ATP2B2: variants seen among roughly 807,000 people sequenced by gnomAD.
ATP2B2 encodes plasma membrane calcium-transporting ATPase 2.
Under a neutral mutation model 120.0 loss-of-function variants are expected in ATP2B2, and 15 were observed. The ratio of observed to expected loss-of-function variants is 0.12; its 90% CI spans 0.08 to 0.19. ATP2B2 has a LOEUF of 0.19. Ranked by LOEUF, ATP2B2 falls within the 10% of genes least tolerant of loss-of-function variation. ATP2B2 has a pLI of 1.00. For synonymous variants in ATP2B2, 694 were observed against 700.3 expected, an observed-to-expected ratio of 0.99 and a Z score of 0.14; for missense variants, 1,045 against 1,719.8, an observed-to-expected ratio of 0.61 and a Z score of 6.94.
At chr3:10,527,727 C>T (rs2067126512) in intron 3 of ATP2B2, among the ~76,000 whole-genome samples, 3 of 152,208 alleles carry the variant, frequency 2.0e-5, no homozygotes, top group East Asian at 3.9e-4. Flanking sequence ...GAGTGCCTCG[C>T]GAACCCAGCC....
chr3:10,474,532 C>T lies in ATP2B2; in HGVS notation c.-319-24670G>A, dbSNP rs979627829. Among the ~76,000 whole-genome samples, 7 of 152,316 alleles carry T rather than the reference C, an allele frequency of 4.6e-5. 1 individual carries two copies. The highest frequency in any genetic ancestry group is 4.1e-4 in the South Asian group (2 of 4,828). On this transcript the variant is annotated intron_variant, in intron 1 of 22. Coordinates refer to ENST00000360273, the MANE Select transcript of ATP2B2 (RefSeq NM_001001331.4). ...TTAGAGGTCAGGTAGAGGAGGAGAC[C>T]GGAGCCACGCAGCCACCCTGGCAGA...
chr3:10,535,713 T>C (rs769346171), intron 2 of ATP2B2, among the ~76,000 whole-genome samples: 1 of 152,210 alleles, frequency 6.6e-6, no homozygotes, highest in African/African-American at 2.4e-5. Context: ...CGCTCCTTTT[T>C]ATTGTTGGGT....
chr3:10,662,131 T>C (rs2070798659), intron 1 of ATP2B2, among the ~76,000 whole-genome samples: 1 of 152,052 alleles, frequency 6.6e-6, no homozygotes. Context: ...ATGTTAGACC[T>C]AAAACCATAA....
upstream of ATP2B2, among the ~76,000 whole-genome samples, chr3:10,507,219 A>G (rs2066657638): frequency 6.6e-6 from 1 of 152,206 alleles, no homozygotes; most frequent in Non-Finnish European, 1.5e-5. Context: ...AGAGCAGCCC[A>G]GGACACCCCT....
At chr3:10,468,423 G>A (rs557620523) in intron 1 of ATP2B2, among the ~76,000 whole-genome samples, 1 of 152,360 alleles carries the variant, frequency 6.6e-6, no homozygotes, top group South Asian at 2.1e-4. Context: ...CCTGCTGTTA[G>A]GAACGGCCCT....
intron 2 of ATP2B2, among the ~76,000 whole-genome samples, chr3:10,415,584 C>T (rs1365341169): frequency 1.3e-5 from 2 of 152,186 alleles, no homozygotes; most frequent in African/African-American, 4.8e-5. Flanking sequence ...TTGCCTGGTC[C>T]AGCCTACCTG....
chr3:10,458,390 G>A (rs2064354660), intron 1 of ATP2B2, among the ~76,000 whole-genome samples: 1 of 152,074 alleles, frequency 6.6e-6, no homozygotes, highest in Non-Finnish European at 1.5e-5. Flanking sequence ...GTTTTCCCTG[G>A]GAATCAGATC....
chr3:10,392,706 G>A (rs1457050996), intron 5 of ATP2B2, among the ~76,000 whole-genome samples: 1 of 152,244 alleles, frequency 6.6e-6, no homozygotes, highest in African/African-American at 2.4e-5. Context: ...GGGAGGGGTA[G>A]AGAGAGAGCC....
chr3:10,460,569 T>C (rs942002361), intron 1 of ATP2B2, among the ~76,000 whole-genome samples: 1 of 152,186 alleles, frequency 6.6e-6, no homozygotes, highest in African/African-American at 2.4e-5. Context: ...ACTGGGCCTT[T>C]TCCATGAGTT....
intron 2 of ATP2B2, among the ~76,000 whole-genome samples, chr3:10,414,214 G>T (rs993551864): frequency 6.6e-6 from 1 of 152,182 alleles, no homozygotes; most frequent in Non-Finnish European, 1.5e-5. Flanking sequence ...CCAAGAGAGG[G>T]GGAGTCTCTG....
At chr3:10,367,168 C>CTGCAGAAA (rs2061086782) in intron 12 of ATP2B2, among the ~76,000 whole-genome samples, 1 of 152,142 alleles carries the variant, frequency 6.6e-6, no homozygotes, top group Non-Finnish European at 1.5e-5. Flanking sequence ...CATTCTGGCC[C>CTGCAGAAA]TGCAGAAATG....
At chr3:10,559,945 T>C (rs2067866362) in intron 2 of ATP2B2, among the ~76,000 whole-genome samples, 1 of 152,240 alleles carries the variant, frequency 6.6e-6, no homozygotes, top group Non-Finnish European at 1.5e-5. Flanking sequence ...ATATGGTTTC[T>C]GTTTTGGGAG....
chr3:10,454,895 C>T (rs1430416118), intron 1 of ATP2B2, among the ~76,000 whole-genome samples: 1 of 152,174 alleles, frequency 6.6e-6, no homozygotes, highest in African/African-American at 2.4e-5. Flanking sequence ...TCCTGACCAC[C>T]TAGACTGCAT....
chr3:10,368,336 C>A (rs1286038566), intron 12 of ATP2B2, among the ~76,000 whole-genome samples: 1 of 152,110 alleles, frequency 6.6e-6, no homozygotes, highest in African/African-American at 2.4e-5. Context: ...GGATCCAAGG[C>A]CAACTTCCTG....
At chr3:10,531,458 C>T (rs2067208320) in intron 3 of ATP2B2, among the ~76,000 whole-genome samples, 1 of 152,186 alleles carries the variant, frequency 6.6e-6, no homozygotes, top group Non-Finnish European at 1.5e-5. Flanking sequence ...CAGTTTCTTC[C>T]TTTGTACAAT....
At chr3:10,623,015 A>T (rs1362348009) in intron 1 of ATP2B2, among the ~76,000 whole-genome samples, 1 of 147,518 alleles carries the variant, frequency 6.8e-6, no homozygotes, top group African/African-American at 2.5e-5. Context: ...GAAAGGATGT[A>T]TGGAAAACAC....
At chr3:10,389,532 C>T (rs2061783515) in intron 5 of ATP2B2, among the ~76,000 whole-genome samples, 1 of 152,106 alleles carries the variant, frequency 6.6e-6, no homozygotes. Context: ...TATGATTCCA[C>T]CTGCATGAGG....
At chr3:10,441,019 C>T (rs925210859) in intron 2 of ATP2B2, among the ~76,000 whole-genome samples, 64 of 152,194 alleles carry the variant, frequency 4.2e-4, no homozygotes, top group African/African-American at 1.4e-3. Flanking sequence ...TAACTAGCAT[C>T]GTGGCTAGTA....
chr3:10,548,581 A>G (rs1006511896), intron 2 of ATP2B2, among the ~76,000 whole-genome samples: 1 of 152,216 alleles, frequency 6.6e-6, no homozygotes, highest in South Asian at 2.1e-4. Context: ...TGGGAAAACC[A>G]TGAGCTGTGG....
Sources: allele counts gnomAD v4.1 joint callset (sites outside exome capture counted in the v4.1 genomes callset), GRCh38; gene constraint gnomAD v4.1.1; transcripts MANE v1.5; gene names NCBI Gene and HGNC (gene_info 2026-07-23, HGNC 2026-07-21).